The following DNAJA3 variants were observed in gnomAD, a reference collection of about 807,000 sequenced individuals.
DNAJA3 encodes the protein DnaJ heat shock protein family (Hsp40) member A3, also known as dnaJ homolog subfamily A member 3, mitochondrial.
DNAJA3 carries 29 observed loss-of-function variants against 54.9 expected under a neutral mutation model. The ratio of observed to expected loss-of-function variants is 0.53; its 90% CI spans 0.39 to 0.72. The LOEUF is 0.72. Ranked by LOEUF, DNAJA3 falls within the 30% of genes least tolerant of loss-of-function variation. The pLI, the probability that DNAJA3 is intolerant of heterozygous loss-of-function variation, is 0.00. For synonymous variants in DNAJA3, 302 were observed against 251.4 expected (o/e 1.20, Z -1.90); for missense variants, 708 against 639.4 (o/e 1.11, Z -1.16).
intron 10 of DNAJA3, among the ~76,000 whole-genome samples, chr16:4,453,513 C>G: frequency 6.6e-6 from 1 of 151,970 alleles, no homozygotes; most frequent in East Asian, 1.9e-4. Flanking sequence ...TCTCGGCTCA[C>G]TGCAACGCAC....
In DNAJA3 at chr16:4,446,954, T is replaced by C; in HGVS notation, c.1065T>C (p.Ala355=). ...DIHSDLFISI[A]QALLGGTARA... The stretch of plus-strand genomic sequence containing the variant: ...ACTCCGACCTCTTTATTTCTATAGC[T>C]CAGGCTCTTCTTGGGGGTACAGCCA... The change falls in exon 8 of 12, where the codon GCT becomes GCC. Residue 355 remains alanine (A), a synonymous_variant. Transcript: ENST00000262375. The C allele has an allele frequency of 6.2e-7, 1 of 1,614,156 alleles. No individual in the cohort carries two copies. The highest frequency in any genetic ancestry group is 1.1e-5 in the South Asian group (1 of 91,062).
chr16:4,426,187 G>A (rs904325857), intron 1 of DNAJA3, 95 bp downstream of exon 1: 1 of 1,306,486 alleles, frequency 7.7e-7, no homozygotes, highest in African/African-American at 1.6e-5. Context: ...TAGTGGGGTG[G>A]AGGGTGTCTT....
At chr16:4,442,967 C>T (rs752628262) in intron 5 of DNAJA3, 50 bp from the exon 6 acceptor site, 4 of 1,588,258 alleles carry the variant, frequency 2.5e-6, no homozygotes, top group East Asian at 4.5e-5. Flanking sequence ...CCAGAACCAC[C>T]CATCAGTTTA....
At chr16:4,437,342 T>G in intron 2 of DNAJA3, 60 bp from the exon 3 acceptor site, 1 of 1,418,130 alleles carries the variant, frequency 7.1e-7, no homozygotes, top group Non-Finnish European at 9.9e-7. Context: ...GGGGTTTTGT[T>G]GTTTCTGGTA....
At chr16:4,438,295 C>A (rs999355210) in intron 3 of DNAJA3, among the ~76,000 whole-genome samples, 2 of 149,112 alleles carry the variant, frequency 1.3e-5, no homozygotes, top group Admixed American at 1.3e-4. Context: ...CCAGCCTGGG[C>A]GACAGAGCAA....
At chr16:4,448,333 T>TA (rs1443651996) in intron 8 of DNAJA3, among the ~76,000 whole-genome samples, 3 of 149,918 alleles carry the variant, frequency 2.0e-5, no homozygotes, top group Admixed American at 6.6e-5. Flanking sequence ...CCTTTTTTTT[T>TA]ACCCACCCCC....
intron 6 of DNAJA3, among the ~76,000 whole-genome samples, chr16:4,444,459 T>G (rs1468299664): frequency 1.3e-5 from 2 of 151,550 alleles, no homozygotes; most frequent in African/African-American, 4.8e-5. Context: ...TTCTCTTTCC[T>G]CAGCCTCCTG....
intron 5 of DNAJA3, 169 bp downstream of exon 5, chr16:4,442,589 T>C: frequency 2.6e-6 from 2 of 766,608 alleles, no homozygotes; most frequent in South Asian, 5.3e-5. Context: ...TGCTCCTCTT[T>C]CCCTGATACC....
intron 6 of DNAJA3, among the ~76,000 whole-genome samples, chr16:4,443,927 C>T (rs1304691122): frequency 1.3e-5 from 2 of 152,204 alleles, no homozygotes; most frequent in East Asian, 1.9e-4. Flanking sequence ...ACCTCGTGAT[C>T]CACCCGCCTC....
intron 3 of DNAJA3, among the ~76,000 whole-genome samples, chr16:4,439,951 G>C (rs1596364714): frequency 6.6e-6 from 1 of 152,064 alleles, no homozygotes; most frequent in Non-Finnish European, 1.5e-5. Context: ...CTATTTTTTT[G>C]AGATAGTGTC....
rs780163505 is a variant in DNAJA3, at chr16:4,450,466, G to A, written c.1308G>A (p.Gly436=). The A allele has an allele frequency of 1.9e-6, 3 of 1,611,782 alleles. No homozygotes were observed. Among genetic ancestry groups the A allele is most frequent in the East Asian group, 2.2e-5 (1 of 44,808 alleles). The change falls in exon 10 of 12, where the codon GGG becomes GGA. Residue 436 remains glycine (G), a synonymous_variant. Coordinates refer to ENST00000262375, the MANE Select transcript of DNAJA3 (RefSeq NM_005147.6). ...CCGAGGACGAGACAGATGTGGAGGG[G>A]ACGGTGAACGGCGTCACCCTCACCA... ...SYAEDETDVE[G]TVNGVTLTSS...
chr16:4,429,913 C>G (rs534680682), intron 1 of DNAJA3, among the ~76,000 whole-genome samples: 3 of 152,132 alleles, frequency 2.0e-5, no homozygotes, highest in South Asian at 4.1e-4. Context: ...GGGAGTTTCA[C>G]TTGAGCCCAG....
chr16:4,427,223 CTTCTT>C (rs1433398719), intron 1 of DNAJA3: 1 of 152,176 alleles, frequency 6.6e-6, no homozygotes, highest in Non-Finnish European at 1.5e-5. Flanking sequence ...CCTGCTTAGC[CTTCTT>C]TTCTTATGCC....
At chr16:4,439,974 C>G (rs545792351) in intron 3 of DNAJA3, among the ~76,000 whole-genome samples, 4 of 152,198 alleles carry the variant, frequency 2.6e-5, no homozygotes, top group African/African-American at 9.6e-5. Context: ...ACTTTGTTGC[C>G]CAGGCTGGAG....
chr16:4,437,723 G>A (rs554115510), intron 3 of DNAJA3: 27 of 431,992 alleles, frequency 6.3e-5, no homozygotes, highest in African/African-American at 5.1e-4. Flanking sequence ...CTTGACCTCA[G>A]GAGTTGGCTT....
In DNAJA3 at chr16:4,437,467, G is replaced by C; in HGVS notation, c.411G>C (p.Gln137His). 6.2e-7 allele frequency: 1 copy of C among 1,614,072 alleles called. No homozygotes were observed. The highest frequency in any genetic ancestry group is 8.5e-7 in the Non-Finnish European group (1 of 1,179,982). The change falls in exon 3 of 12, where the codon CAG becomes CAC. Residue 137 changes from glutamine (Q) to histidine (H), a missense_variant. By Grantham distance (24) the Gln-to-His change is conservative (BLOSUM62 0). Transcript: ENST00000262375. ...DDPKAKEKFSQLAEAYEVLSD... is the reference protein window; with the variant it reads ...DDPKAKEKFSHLAEAYEVLSD... ...CCAAAGCCAAGGAGAAGTTCTCCCA[G>C]CTGGCAGAAGCCTATGAGGTAATAT...
chr16:4,454,837 G>A lies in DNAJA3; in HGVS notation c.1366G>A (p.Gly456Arg). Residue 456 changes from glycine to arginine, a missense_variant, in exon 11 of 12, where the codon GGA (glycine) becomes AGA (arginine). Coordinates refer to ENST00000262375, the MANE Select transcript of DNAJA3 (RefSeq NM_005147.6). ...TGGCAGCACCATGGATAGCTCCGCA[G>A]GAAGCAAGGCTAGGCGTGAGGCTGG... ...SGGSTMDSSAGSKARREAGED... is the reference protein window; with the variant it reads ...SGGSTMDSSARSKARREAGED... The A allele has an allele frequency of 6.2e-7, 1 of 1,614,082 alleles. No homozygotes were observed. The highest frequency in any genetic ancestry group is 8.5e-7 in the Non-Finnish European group (1 of 1,179,966).
chr16:4,448,341 C>T lies in DNAJA3; in HGVS notation c.1126-392C>T, dbSNP rs935590265. On this transcript the variant is annotated intron_variant, in intron 8 of 11. Transcript: ENST00000262375. ...CGCCCGGCCTTTTTTTTTACCCACC[C>T]CCTCCACCACCGCTCTGCCGAGACA... Among the ~76,000 whole-genome samples, 3 of 149,602 alleles carry T rather than the reference C, an allele frequency of 2.0e-5. No homozygotes were observed. The Admixed American group carries it at 2.0e-4, about 10-fold the overall frequency.
At chr16:4,430,394 T>G (rs2056682184) in intron 1 of DNAJA3, 1 of 150,964 alleles carries the variant, frequency 6.6e-6, no homozygotes, top group African/African-American at 2.4e-5. Flanking sequence ...AAAGCTTGTC[T>G]CTACTAAAAA....
Sources: gnomAD v4.1 joint callset for allele counts (sites outside exome capture counted in the v4.1 genomes callset) on GRCh38, gnomAD v4.1.1 for gene constraint, MANE v1.5 for transcripts, NCBI Gene and HGNC (gene_info 2026-07-23, HGNC 2026-07-21) for gene names.